CELF2: variants seen among roughly 807,000 people sequenced by gnomAD.
CELF2 encodes CUG triplet repeat RNA-binding protein 2.
CELF2 carries 8 observed loss-of-function variants against 62.6 expected under a neutral mutation model. The ratio of observed to expected loss-of-function variants is 0.13; its 90% CI spans 0.07 to 0.23. The LOEUF is 0.23. CELF2 is among the 10% of genes least tolerant of loss of function. CELF2 has a pLI of 1.00. For missense variants in CELF2, 333 were observed against 671.0 expected (o/e 0.50, Z 5.56); for synonymous variants, 258 against 250.0 (o/e 1.03, Z -0.30).
intron 3 of CELF2, among the ~76,000 whole-genome samples, chr10:11,245,244 C>T (rs185457834): frequency 1.6e-4 from 24 of 152,248 alleles, no homozygotes; most frequent in Admixed American, 3.9e-4. Flanking sequence ...TTCTGGGAGT[C>T]GGAAGATTTT....
chr10:11,088,741 C>G (rs1264603348), intron 1 of CELF2, among the ~76,000 whole-genome samples: 1 of 152,136 alleles, frequency 6.6e-6, no homozygotes, highest in Non-Finnish European at 1.5e-5. Context: ...CTGCGTGGGT[C>G]AGGAGTTTGG....
the CELF2 span, among the ~76,000 whole-genome samples, chr10:10,503,970 C>A: frequency 6.6e-6 from 1 of 151,980 alleles, no homozygotes; most frequent in African/African-American, 2.4e-5. Context: ...CTGATATCAT[C>A]ATTTTACCAG....
chr10:10,705,363 T>C, the CELF2 span, among the ~76,000 whole-genome samples: 1 of 82,786 alleles, frequency 1.2e-5, no homozygotes, highest in African/African-American at 4.4e-5. Context: ...CCTCCTTCCC[T>C]ATTAAAAAAA....
chr10:11,057,045 G>A (rs1011284636), intron 1 of CELF2, among the ~76,000 whole-genome samples: 2 of 152,206 alleles, frequency 1.3e-5, no homozygotes, highest in Admixed American at 1.3e-4. Context: ...TTGGAGGGGA[G>A]GCTGTGCTGG....
intron 1 of CELF2, among the ~76,000 whole-genome samples, chr10:10,844,715 A>C (rs2058903357): frequency 6.6e-6 from 1 of 152,060 alleles, no homozygotes; most frequent in African/African-American, 2.4e-5. Context: ...ACTTCAGGAG[A>C]TTTTATCTGT....
At chr10:10,818,234 T>C (rs2056653661) in intron 1 of CELF2, among the ~76,000 whole-genome samples, 1 of 152,188 alleles carries the variant, frequency 6.6e-6, no homozygotes, top group Non-Finnish European at 1.5e-5. Context: ...GGAACTCCTC[T>C]GGTGATCCAC....
intron 10 of CELF2, chr10:11,320,838 T>A: frequency 6.5e-7 from 1 of 1,535,858 alleles, no homozygotes; most frequent in Non-Finnish European, 8.7e-7. Flanking sequence ...TTTTTTTTTT[T>A]TTTTTACATG....
the CELF2 span, among the ~76,000 whole-genome samples, chr10:10,513,408 T>G: frequency 6.6e-6 from 1 of 152,202 alleles, no homozygotes; most frequent in Non-Finnish European, 1.5e-5. Context: ...TTCTTTGATT[T>G]TCTATTTTAA....
chr10:10,555,242 A>G, the CELF2 span, among the ~76,000 whole-genome samples: 141 of 152,080 alleles, frequency 9.3e-4, no homozygotes, highest in African/African-American at 3.3e-3. Flanking sequence ...ATCACTGTAA[A>G]GCTGCATTAG....
At chr10:10,766,747 A>G in the CELF2 span, among the ~76,000 whole-genome samples, 1 of 152,200 alleles carries the variant, frequency 6.6e-6, no homozygotes, top group Non-Finnish European at 1.5e-5. Flanking sequence ...GCTGACTGAC[A>G]TGCACAGAAT....
chr10:10,864,967 G>A (rs953566440), intron 1 of CELF2, among the ~76,000 whole-genome samples: 5 of 152,100 alleles, frequency 3.3e-5, no homozygotes, highest in Admixed American at 2.6e-4. Context: ...AGAACCTTGG[G>A]TATTTTCAAA....
At chr10:10,757,724 C>A in the CELF2 span, among the ~76,000 whole-genome samples, 1 of 152,152 alleles carries the variant, frequency 6.6e-6, no homozygotes, top group Non-Finnish European at 1.5e-5. Context: ...TGGATCTACA[C>A]CTGTGGCTTA....
chr10:11,219,337 C>T (rs1056470803), intron 3 of CELF2, among the ~76,000 whole-genome samples: 1 of 152,160 alleles, frequency 6.6e-6, no homozygotes, highest in Non-Finnish European at 1.5e-5. Context: ...TAGAAAACAA[C>T]ATGTTTTATA....
chr10:11,235,062 T>C (rs926252159), intron 3 of CELF2, among the ~76,000 whole-genome samples: 3 of 152,208 alleles, frequency 2.0e-5, no homozygotes, highest in African/African-American at 7.2e-5. Flanking sequence ...ATACTTGGAA[T>C]TGGCAGAGTC....
intron 1 of CELF2, among the ~76,000 whole-genome samples, chr10:11,020,438 G>A (rs77144961): frequency 5.9e-5 from 9 of 152,094 alleles, no homozygotes; most frequent in African/African-American, 2.4e-5. Context: ...GTGTGGGGGG[G>A]AATATGACAA....
chr10:11,229,723 G>A (rs2067937955), intron 3 of CELF2, among the ~76,000 whole-genome samples: 1 of 152,042 alleles, frequency 6.6e-6, no homozygotes, highest in Admixed American at 6.5e-5. Context: ...CCAAGTAGCT[G>A]GGATTATAGG....
chr10:11,125,323 T>C (rs888515463), intron 1 of CELF2, among the ~76,000 whole-genome samples: 13 of 152,144 alleles, frequency 8.5e-5, no homozygotes, highest in Non-Finnish European at 1.6e-4. Context: ...ATCTAAACTT[T>C]TGAGAGCTAG....
At chr10:10,680,114 A>C in the CELF2 span, among the ~76,000 whole-genome samples, 2 of 152,234 alleles carry the variant, frequency 1.3e-5, no homozygotes, top group African/African-American at 4.8e-5. Flanking sequence ...ACATGCACAA[A>C]ACTCGGGTAG....
At chr10:10,690,651 G>A in the CELF2 span, among the ~76,000 whole-genome samples, 1 of 152,086 alleles carries the variant, frequency 6.6e-6, no homozygotes, top group Non-Finnish European at 1.5e-5. Context: ...AGGCTGAGGT[G>A]GGCAGATCAC....
Sources: gnomAD v4.1 joint callset for allele counts (sites outside exome capture counted in the v4.1 genomes callset) on GRCh38, gnomAD v4.1.1 for gene constraint, MANE v1.5 for transcripts, NCBI Gene and HGNC (gene_info 2026-07-23, HGNC 2026-07-21) for gene names.